Variants in TMEM41B observed in about 807,000 individuals in gnomAD.
The protein encoded by TMEM41B is protein stasimon.
A neutral mutation model predicts 31.9 loss-of-function variants in TMEM41B; 18 were observed. The ratio of observed to expected loss-of-function variants is 0.56; its 90% confidence interval spans 0.39 to 0.84. TMEM41B has a LOEUF of 0.84. Among genes scored for constraint, TMEM41B ranks in the 40% least tolerant of loss-of-function variants. TMEM41B has a pLI of 0.00. For missense variants in TMEM41B, 322 were observed against 348.0 expected, an observed-to-expected ratio of 0.93 and a Z score of 0.59; for synonymous variants, 144 against 124.3, an observed-to-expected ratio of 1.16 and a Z score of -1.05.
rs771036301 is a variant in TMEM41B, at chr11:9,282,102, GCA to G, written c.*1320_*1321del. 6 of 152,182 alleles carry G rather than the reference GCA, an allele frequency of 3.9e-5. No homozygotes were observed. Among genetic ancestry groups the G allele is most frequent in the Non-Finnish European group, 8.8e-5 (6 of 68,062 alleles). 9.4% of individuals were successfully genotyped at this position (152,182 alleles called of 1,614,324 possible). ...ATATAAATTATCAATACCAGGCTGG[GCA>G]CAGTGGCTCATGCCTGTAATCCCAG... is the stretch of plus-strand genomic sequence containing the variant. On this transcript the variant is annotated 3_prime_UTR_variant, in exon 7 of 7. Transcript: ENST00000528080.
chr11:9,294,488 C>CAA (rs61211297), intron 3 of TMEM41B, among the ~76,000 whole-genome samples: 5 of 88,408 alleles, frequency 5.7e-5, no homozygotes, highest in South Asian at 2.9e-4. Context: ...AACTCCATCT[C>CAA]AAAAAAAAAA....
rs550994737 is a variant in TMEM41B at position 9,292,088 on chromosome 11, T to C, written c.368+3171A>G. Among the ~76,000 whole-genome samples, 6 of 152,218 alleles carry C rather than the reference T, an allele frequency of 3.9e-5. 1 individual carries two copies. Among genetic ancestry groups the C allele is most frequent in the Admixed American group, 2.0e-4 (3 of 15,268 alleles). On this transcript the variant is annotated intron_variant, in intron 3 of 6. Transcript: ENST00000528080. ...AATTCCTTATTGTCCTAAAGACTAG[T>C]CTGATCAGAATCTAGAAGTCCACAC...
intron 1 of TMEM41B, among the ~76,000 whole-genome samples, chr11:9,306,462 C>G (rs1313004961): frequency 2.0e-5 from 3 of 151,986 alleles, no homozygotes; most frequent in Non-Finnish European, 4.4e-5. Context: ...GCGGTCGGAT[C>G]ATGAGGTCAG....
chr11:9,289,794 T>C (rs1344726800), intron 3 of TMEM41B, among the ~76,000 whole-genome samples: 1 of 152,216 alleles, frequency 6.6e-6, no homozygotes, highest in East Asian at 1.9e-4. Flanking sequence ...GAAACATGGC[T>C]TCAGTGAACT....
intron 2 of TMEM41B, among the ~76,000 whole-genome samples, chr11:9,297,173 C>T (rs1409924973): frequency 1.3e-5 from 2 of 152,186 alleles, no homozygotes; most frequent in African/African-American, 4.8e-5. Context: ...CAAGCTCCGC[C>T]TCCCAGGTTC....
At chr11:9,314,194 T>C (rs536995199) in intron 1 of TMEM41B, 127 bp downstream of exon 1, 8 of 1,268,828 alleles carry the variant, frequency 6.3e-6, no homozygotes, top group Non-Finnish European at 8.4e-6. Context: ...CGGTCTCTGC[T>C]CCCGCCGCGG....
chr11:9,311,221 G>A, intron 1 of TMEM41B: 1 of 1,465,756 alleles, frequency 6.8e-7, no homozygotes, highest in South Asian at 1.1e-5. Context: ...CATGGCATCT[G>A]AAGCTTGATA....
intron 1 of TMEM41B, among the ~76,000 whole-genome samples, chr11:9,306,776 A>G (rs1243080027): frequency 6.6e-6 from 1 of 152,232 alleles, no homozygotes; most frequent in Non-Finnish European, 1.5e-5. Context: ...ACTGGCAAAC[A>G]GTAATTCTTT....
chr11:9,297,646 G>A (rs916877001), intron 2 of TMEM41B, among the ~76,000 whole-genome samples: 3 of 151,974 alleles, frequency 2.0e-5, no homozygotes, highest in African/African-American at 7.2e-5. Context: ...AGCCAAGATT[G>A]CACCACGGCA....
intron 1 of TMEM41B, among the ~76,000 whole-genome samples, chr11:9,306,932 G>C (rs748870322): frequency 3.3e-5 from 5 of 152,042 alleles, no homozygotes; most frequent in Non-Finnish European, 5.9e-5. Context: ...ATCTTCCCTT[G>C]CTCCTTTCCC....
At chr11:9,287,403 A>C (rs1243188590) in intron 5 of TMEM41B, among the ~76,000 whole-genome samples, 1 of 152,222 alleles carries the variant, frequency 6.6e-6, no homozygotes, top group East Asian at 1.9e-4. Flanking sequence ...TAAAACAGAT[A>C]GGTATCTAAT....
chr11:9,289,929 T>C (rs1842127052), intron 3 of TMEM41B, among the ~76,000 whole-genome samples: 1 of 152,140 alleles, frequency 6.6e-6, no homozygotes. Flanking sequence ...TTTGGCAATT[T>C]CCATGGCTTC....
chr11:9,294,180 C>CAAAAAAAAA (rs538372314), intron 3 of TMEM41B, among the ~76,000 whole-genome samples: 3 of 73,446 alleles, frequency 4.1e-5, no homozygotes, highest in African/African-American at 1.9e-4. Flanking sequence ...GAACCTGTCT[C>CAAAAAAAAA]AAAAAAAAAA....
In TMEM41B at chr11:9,299,340, A is replaced by ACACACC. The variant is rs1161626413; in HGVS notation, c.239+243_239+244insGGTGTG. On this transcript the variant is annotated intron_variant, in intron 2 of 6. Coordinates refer to ENST00000528080, the MANE Select transcript of TMEM41B (RefSeq NM_015012.4). The stretch of plus-strand genomic sequence containing the variant: ...TATACATACATACACACACACACAC[A>ACACACC]CACACGTGTGTGTATATAAATATAT... 2.0e-5 allele frequency among the ~76,000 whole-genome samples: 3 copies of ACACACC among 148,410 alleles called. No individual in the cohort carries two copies. The East Asian group carries it at 5.9e-4, about 29-fold the overall frequency.
chr11:9,300,327 T>C (rs966118248), intron 1 of TMEM41B, among the ~76,000 whole-genome samples: 1 of 152,158 alleles, frequency 6.6e-6, no homozygotes, highest in Non-Finnish European at 1.5e-5. Context: ...ACTGTCAATT[T>C]CATATTTCTA....
In TMEM41B at chr11:9,281,853, A is replaced by AT. The variant is rs1181643611; in HGVS notation, c.*1570dup. The AT allele has an allele frequency of 1.3e-5, 2 of 152,226 alleles. No homozygotes were observed. Among genetic ancestry groups the AT allele is most frequent in the Non-Finnish European group, 2.9e-5 (2 of 68,030 alleles). The allele number at this position is 152,226 out of a possible 1,614,324, so 9.4% of individuals were successfully genotyped here. A position where few individuals can be genotyped will look rare whatever the true frequency, so the allele number is the denominator to read the frequency against. ...AGGCATTTTTCTAGGTGTATCATGC[A>AT]TAAAAAGAATAATTACATAATATTA... On this transcript the variant is annotated 3_prime_UTR_variant, in exon 7 of 7. Coordinates refer to ENST00000528080, the MANE Select transcript of TMEM41B (RefSeq NM_015012.4).
At chr11:9,300,158 T>A (rs991844597) in intron 1 of TMEM41B, among the ~76,000 whole-genome samples, 6 of 152,118 alleles carry the variant, frequency 3.9e-5, no homozygotes, top group Non-Finnish European at 7.4e-5. Flanking sequence ...TTAAGCACTG[T>A]ACAGTACTTG....
At chr11:9,290,106 T>C (rs1852921198) in intron 3 of TMEM41B, among the ~76,000 whole-genome samples, 2 of 151,658 alleles carry the variant, frequency 1.3e-5, no homozygotes, top group South Asian at 2.1e-4. Context: ...ATGGACCGGG[T>C]GGGGTGGCTC....
At chr11:9,306,659 C>T (rs1325430332) in intron 1 of TMEM41B, among the ~76,000 whole-genome samples, 4 of 151,908 alleles carry the variant, frequency 2.6e-5, no homozygotes, top group Non-Finnish European at 5.9e-5. Context: ...GCACTCTAGC[C>T]TGGGCGATAG....
Sources: allele counts gnomAD v4.1 joint callset (sites outside exome capture counted in the v4.1 genomes callset), GRCh38; gene constraint gnomAD v4.1.1; transcripts MANE v1.5; gene names NCBI Gene and HGNC (gene_info 2026-07-23, HGNC 2026-07-21).